MED13: variants seen among roughly 807,000 people sequenced by gnomAD.
MED13 encodes mediator complex subunit 13, also known as mediator of RNA polymerase II transcription subunit 13.
A neutral mutation model predicts 225.2 loss-of-function variants in MED13; 23 were observed. The observed-to-expected ratio is 0.10, with a 90% confidence interval of 0.07 to 0.14. The LOEUF is 0.14. Ranked by LOEUF, MED13 falls within the 10% of genes least tolerant of loss-of-function variation. The pLI is 1.00. For synonymous variants in MED13, 942 were observed against 889.2 expected, an observed-to-expected ratio of 1.06 and a Z score of -1.06; for missense variants, 2,197 against 2,594.5, an observed-to-expected ratio of 0.85 and a Z score of 3.33.
chr17:62,032,464 G>T (rs1426718666), intron 5 of MED13: 1 of 141,430 alleles, frequency 7.1e-6, no homozygotes, highest in Non-Finnish European at 1.5e-5. Context: ...GCGACAGAGC[G>T]AGATTCCGTC....
intron 27 of MED13, among the ~76,000 whole-genome samples, 182 bp downstream of exon 27, chr17:61,952,783 C>T (rs536981498): frequency 2.6e-4 from 40 of 152,238 alleles, no homozygotes; most frequent in African/African-American, 9.1e-4. Context: ...ACTACAGGTG[C>T]GTGCCACCTT....
intron 7 of MED13, 83 bp from the exon 8 acceptor site, chr17:62,029,734 G>C (rs1442968162): frequency 5.3e-6 from 8 of 1,514,422 alleles, no homozygotes; most frequent in Non-Finnish European, 7.2e-6. Context: ...TAATTTTAAA[G>C]ATCAACATTA....
intron 9 of MED13, among the ~76,000 whole-genome samples, chr17:61,998,596 CTTTTTTT>C (rs58261678): frequency 8.7e-6 from 1 of 115,542 alleles, no homozygotes; most frequent in African/African-American, 3.5e-5. Context: ...TTCCCACCGC[CTTTTTTT>C]TTTTTTTTTT....
intron 16 of MED13, among the ~76,000 whole-genome samples, chr17:61,975,324 A>G (rs1372559600): frequency 1.3e-5 from 2 of 152,240 alleles, no homozygotes; most frequent in Admixed American, 6.5e-5. Context: ...CAAAGAAGAT[A>G]TACAAATGGA....
At chr17:62,058,542 A>T (rs951758303) in intron 2 of MED13, among the ~76,000 whole-genome samples, 5 of 149,724 alleles carry the variant, frequency 3.3e-5, no homozygotes, top group Non-Finnish European at 7.4e-5. Context: ...AAAAAAAAAA[A>T]GAAAGAAAGA....
intron 1 of MED13, 90 bp downstream of exon 1, chr17:62,065,050 C>A: frequency 1.7e-6 from 2 of 1,184,970 alleles, no homozygotes; most frequent in Non-Finnish European, 2.3e-6. Flanking sequence ...GGAACTCGGG[C>A]ATCTGGACCA....
chr17:62,024,883 G>A (rs796326982), intron 8 of MED13, among the ~76,000 whole-genome samples: 1 of 152,074 alleles, frequency 6.6e-6, no homozygotes, highest in Non-Finnish European at 1.5e-5. Flanking sequence ...TTTTATGGCT[G>A]CACAGTATTC....
chr17:62,050,358 C>T (rs1288701833), intron 3 of MED13, among the ~76,000 whole-genome samples: 1 of 131,028 alleles, frequency 7.6e-6, no homozygotes, highest in African/African-American at 2.9e-5. Flanking sequence ...AACTCCGTAT[C>T]AGAAAAAAAA....
intron 9 of MED13, among the ~76,000 whole-genome samples, chr17:61,997,183 G>C (rs2080354161): frequency 6.6e-6 from 1 of 152,132 alleles, no homozygotes; most frequent in Non-Finnish European, 1.5e-5. Flanking sequence ...AGTAGCACTT[G>C]ATCTCTTACA....
At chr17:61,949,430 T>C (rs992473392) in intron 28 of MED13, among the ~76,000 whole-genome samples, 1 of 152,154 alleles carries the variant, frequency 6.6e-6, no homozygotes, top group African/African-American at 2.4e-5. Flanking sequence ...TTTCACTATG[T>C]TGTCCAGGCT....
intron 27 of MED13, among the ~76,000 whole-genome samples, chr17:61,951,705 A>G (rs1250455131): frequency 6.6e-6 from 1 of 152,016 alleles, no homozygotes; most frequent in Admixed American, 6.5e-5. Flanking sequence ...AATTTGCTTA[A>G]AAGTAAAAAT....
intron 17 of MED13, among the ~76,000 whole-genome samples, chr17:61,970,823 G>C (rs535568273): frequency 2.1e-4 from 32 of 150,126 alleles, no homozygotes; most frequent in Non-Finnish European, 3.5e-4. Context: ...CCAGGAGTTG[G>C]AGACCAGCCT....
Position 61,944,259 on chromosome 17 carries a change from TAAACA to T in MED13, c.*2204_*2208del, listed in dbSNP as rs569496234. 3.4e-3 allele frequency: 516 copies of T among 152,734 alleles called. 3 individuals carry two copies. The highest frequency in any genetic ancestry group is 5.1e-3 in the Non-Finnish European group (346 of 68,006). The allele number at this position is 152,734 out of a possible 1,614,324, so 9.5% of individuals were successfully genotyped here. ...TGTGGTTATCATAGGTTAGTGATTT[TAAACA>T]ACTGAGAATATAACTTTTATTTTGT... is the stretch of plus-strand genomic sequence containing the variant. On this transcript the variant is annotated 3_prime_UTR_variant, in exon 30 of 30. Transcript: ENST00000397786.
chr17:62,053,683 T>C (rs72843793), intron 2 of MED13, among the ~76,000 whole-genome samples: 11,240 of 152,264 alleles, frequency 0.074, 619 homozygotes, highest in South Asian at 0.31. Context: ...TTTGTAAATA[T>C]GGGTCATCTG....
At chr17:62,003,599 C>CAAAAAAAAAAAAA (rs34451831) in intron 9 of MED13, 433 of 51,692 alleles carry the variant, frequency 8.4e-3, no homozygotes, top group East Asian at 0.012. Context: ...CAGCAAAACT[C>CAAAAAAAAAAAAA]AAAAAAAAAA....
At chr17:62,018,212 A>C (rs2080601553) in intron 8 of MED13, among the ~76,000 whole-genome samples, 1 of 152,224 alleles carries the variant, frequency 6.6e-6, no homozygotes, top group South Asian at 2.1e-4. Flanking sequence ...AATATTAATG[A>C]ATGAAATATT....
chr17:61,986,164 T>A (rs1455320559), intron 12 of MED13, among the ~76,000 whole-genome samples: 1 of 152,180 alleles, frequency 6.6e-6, no homozygotes, highest in Non-Finnish European at 1.5e-5. Flanking sequence ...AAGGATATAG[T>A]TGCCTAGTAA....
chr17:61,998,464 T>C (rs1156388142), intron 9 of MED13, among the ~76,000 whole-genome samples: 1 of 152,232 alleles, frequency 6.6e-6, no homozygotes, highest in South Asian at 2.1e-4. Context: ...TATGCTGTTA[T>C]GCCTTTATTC....
rs1242128071 is a variant in MED13, at chr17:61,945,120, A to T, written c.*1348T>A. On this transcript the variant is annotated 3_prime_UTR_variant, in exon 30 of 30. Transcript: ENST00000397786. ...TCCAAACCAAGAAAATTAAATAAAT[A>T]AAAAAGGCAAGGGAAGTTTAAAAAA... is the stretch of plus-strand genomic sequence containing the variant. The T allele has an allele frequency of 6.6e-6, 1 of 152,492 alleles. No homozygotes were observed. Among genetic ancestry groups the T allele is most frequent in the Non-Finnish European group, 1.5e-5 (1 of 68,036 alleles). The allele number at this position is 152,492 out of a possible 1,614,324, so 9.4% of individuals were successfully genotyped here.
Sources: allele counts gnomAD v4.1 joint callset (sites outside exome capture counted in the v4.1 genomes callset), GRCh38; gene constraint gnomAD v4.1.1; transcripts MANE v1.5; gene names NCBI Gene and HGNC (gene_info 2026-07-23, HGNC 2026-07-21).